The following ZNF519 variants were observed in gnomAD, a reference collection of about 807,000 sequenced individuals.
The protein encoded by ZNF519 is zinc finger protein 519.
ZNF519 carries 7 observed loss-of-function variants against 7.4 expected under a neutral mutation model. The observed-to-expected ratio is 0.94, with a 90% confidence interval of 0.54 to 1.77. The LOEUF is 1.77. Ranked by LOEUF, ZNF519 falls within the 40% of genes most tolerant of loss-of-function variation. The pLI, the probability that ZNF519 is intolerant of heterozygous loss-of-function variation, is 0.00. For missense variants in ZNF519, 586 were observed against 623.1 expected (o/e 0.94, Z 0.63); for synonymous variants, 179 against 203.3 (o/e 0.88, Z 1.02).
chr18:14,114,389 TAA>T (rs2143145707), intron 2 of ZNF519, among the ~76,000 whole-genome samples: 1 of 152,312 alleles, frequency 6.6e-6, no homozygotes, highest in South Asian at 2.1e-4. Context: ...ATTTAGACAA[TAA>T]ATTCCTTTCC....
In ZNF519 at chr18:14,119,261, C is replaced by A. The variant is rs73422341; in HGVS notation, c.130+5089G>T. Among the ~76,000 whole-genome samples the A allele has an allele frequency of 9.1e-3, 1,380 of 152,302 alleles. 28 individuals are homozygous for A. Among genetic ancestry groups the A allele is most frequent in the African/African-American group, 0.031 (1,299 of 41,550 alleles). On this transcript the variant is annotated intron_variant, in intron 2 of 2. Transcript: ENST00000590202. ...GCCTGGGAACCCAACAAAAGGAGAT[C>A]TTTACCTGCCAAAAACAGTTTACAG...
rs1206293059 is a variant in ZNF519, at chr18:14,100,776, A to G, written c.*4141T>C. ...TAATAAAATTGCACAGAACACACAC[A>G]CATAAGAAAAAATTAATCTGGTAAA... On this transcript the variant is annotated 3_prime_UTR_variant, in exon 3 of 3. Transcript: ENST00000590202. 6.6e-6 allele frequency: 1 copy of G among 152,202 alleles called. No individual in the cohort carries two copies. The highest frequency in any genetic ancestry group is 1.5e-5 in the Non-Finnish European group (1 of 68,034). 9.4% of individuals were successfully genotyped at this position (152,202 alleles called of 1,614,324 possible).
intron 2 of ZNF519, chr18:14,122,297 A>G (rs1247006692): frequency 6.6e-6 from 1 of 152,218 alleles, no homozygotes; most frequent in Non-Finnish European, 1.5e-5. Context: ...ATTGCTGAGT[A>G]AGGATTTTTG....
intron 2 of ZNF519, among the ~76,000 whole-genome samples, chr18:14,111,904 T>C (rs1176452643): frequency 1.3e-5 from 2 of 152,188 alleles, no homozygotes; most frequent in Non-Finnish European, 2.9e-5. Context: ...GAGGAAACAC[T>C]TCCAACCTTG....
downstream of ZNF519, among the ~76,000 whole-genome samples, chr18:14,095,888 G>A (rs1176107291): frequency 6.6e-6 from 1 of 152,246 alleles, no homozygotes; most frequent in African/African-American, 2.4e-5. Flanking sequence ...CAAATCCCAT[G>A]CTGCCAGGAC....
chr18:14,111,795 T>C (rs1451821571), intron 2 of ZNF519, among the ~76,000 whole-genome samples: 1 of 152,124 alleles, frequency 6.6e-6, no homozygotes, highest in South Asian at 2.1e-4. Flanking sequence ...AAAAACCTCC[T>C]ATGAGAGAAA....
downstream of ZNF519, chr18:14,074,272 A>G (rs1336426748): frequency 6.6e-6 from 1 of 152,226 alleles, no homozygotes; most frequent in African/African-American, 2.4e-5. Flanking sequence ...AGGAGCAGAC[A>G]GATCAAGAAA....
chr18:14,101,973 T>C lies in ZNF519; in HGVS notation c.*2944A>G. The C allele has an allele frequency of 2.6e-6, 1 of 378,112 alleles. No homozygotes were observed. Among genetic ancestry groups the C allele is most frequent in the Non-Finnish European group, 4.7e-6 (1 of 214,244 alleles). 23.4% of individuals were successfully genotyped at this position (378,112 alleles called of 1,614,324 possible). On this transcript the variant is annotated 3_prime_UTR_variant, in exon 3 of 3. Transcript: ENST00000590202. ...AATAATTTTAAGACATATAATATTC[T>C]CTAATATTCAGGAATAAAGAGGTTT...
intron 1 of ZNF519, among the ~76,000 whole-genome samples, chr18:14,125,350 T>A (rs1395180102): frequency 6.6e-6 from 1 of 152,242 alleles, no homozygotes; most frequent in African/African-American, 2.4e-5. Context: ...ATGTACTATG[T>A]GCCCAAGAGT....
rs911217597 is a variant in ZNF519, at chr18:14,100,695, G to A, written c.*4222C>T. ...TGGGTATGGTGGGGAGAAGGGAAGC[G>A]GATGTGGTTATAAGAGGAAAACGAG... On this transcript the variant is annotated 3_prime_UTR_variant, in exon 3 of 3. Transcript: ENST00000590202. 9 of 152,104 alleles carry A rather than the reference G, an allele frequency of 5.9e-5. No individual in the cohort carries two copies. The highest frequency in any genetic ancestry group is 1.2e-4 in the African/African-American group (5 of 41,410). 9.4% of individuals were successfully genotyped at this position (152,104 alleles called of 1,614,324 possible). A position where few individuals can be genotyped will look rare whatever the true frequency, so the allele number is the denominator to read the frequency against.
rs140045727 is a variant in ZNF519 at position 14,105,483 on chromosome 18, A to G, written c.1057T>C (p.Cys353Arg). 8 of 1,613,784 alleles carry G rather than the reference A, an allele frequency of 5.0e-6. No individual in the cohort carries two copies. The African/African-American group carries it at 6.7e-5, about 13-fold the overall frequency. ...GACCCCCTGTTAAAGGCTTTGCCAC[A>G]TTCTTCACATTTGAAAGCTCTCTCT... ...TGERAFKCEECGKAFNRGSYL... is the reference protein window; with the variant it reads ...TGERAFKCEERGKAFNRGSYL... The change falls in exon 3 of 3, where the codon TGT becomes CGT. Residue 353 changes from cysteine to arginine, a missense_variant. Cys to Arg is a radical substitution (Grantham distance 180). Transcript: ENST00000590202.
chr18:14,131,810 CCTTT>C (rs1399169427), intron 1 of ZNF519, among the ~76,000 whole-genome samples: 1 of 152,276 alleles, frequency 6.6e-6, no homozygotes, highest in Admixed American at 6.5e-5. Context: ...CTTATACAAG[CCTTT>C]CTTTCAAGAC....
At chr18:14,107,236 G>A (rs868442774) in intron 2 of ZNF519, among the ~76,000 whole-genome samples, 6 of 152,134 alleles carry the variant, frequency 3.9e-5, no homozygotes, top group Admixed American at 6.5e-5. Flanking sequence ...ACAGGACTTT[G>A]TCTTGCATTT....
At chr18:14,126,311 C>T (rs2046299279) in intron 1 of ZNF519, among the ~76,000 whole-genome samples, 1 of 152,182 alleles carries the variant, frequency 6.6e-6, no homozygotes, top group African/African-American at 2.4e-5. Flanking sequence ...TAGCCACTTC[C>T]CTATTTTGTA....
At chr18:14,118,472 T>A (rs748982692) in intron 2 of ZNF519, among the ~76,000 whole-genome samples, 1 of 152,208 alleles carries the variant, frequency 6.6e-6, no homozygotes, top group African/African-American at 2.4e-5. Flanking sequence ...TGACAGTATA[T>A]GATTCCACTT....
chr18:14,101,486 T>C lies in ZNF519; in HGVS notation c.*3431A>G, dbSNP rs1258780471. Reference sequence around the variant, plus strand: ...GAAAGCCGATTGTACACCTGAACAGTGCTGGGGTGAAATGGTGGGGCTGAA... The same window carrying C: ...GAAAGCCGATTGTACACCTGAACAGCGCTGGGGTGAAATGGTGGGGCTGAA... On this transcript the variant is annotated 3_prime_UTR_variant, in exon 3 of 3. Coordinates refer to ENST00000590202, the MANE Select transcript of ZNF519 (RefSeq NM_145287.4). The C allele has an allele frequency of 2.5e-6, 1 of 395,812 alleles. No individual in the cohort carries two copies. The highest frequency in any genetic ancestry group is 4.4e-6 in the Non-Finnish European group (1 of 224,926). The allele number at this position is 395,812 out of a possible 1,614,324, so 24.5% of individuals were successfully genotyped here.
Position 14,100,385 on chromosome 18 carries a change from T to C in ZNF519, c.*4532A>G, listed in dbSNP as rs1474877514. The C allele has an allele frequency of 6.6e-6, 1 of 152,184 alleles. No homozygotes were observed. Among genetic ancestry groups the C allele is most frequent in the Non-Finnish European group, 1.5e-5 (1 of 68,032 alleles). 9.4% of individuals were successfully genotyped at this position (152,184 alleles called of 1,614,324 possible). ...TACATGAATGTACATAGCACTTTTA[T>C]TCATAATAGCCACACACTGACTGAA... On this transcript the variant is annotated 3_prime_UTR_variant, in exon 3 of 3. Coordinates refer to ENST00000590202, the MANE Select transcript of ZNF519 (RefSeq NM_145287.4).
At chr18:14,095,579 T>C (rs571519431), downstream of ZNF519, among the ~76,000 whole-genome samples, 74 of 152,274 alleles carry the variant, frequency 4.9e-4, no homozygotes, top group African/African-American at 1.5e-3. Context: ...GCAGCAGTGA[T>C]ACAAATAAGG....
chr18:14,118,025 AGG>A (rs2046253465), intron 2 of ZNF519, among the ~76,000 whole-genome samples: 1 of 152,190 alleles, frequency 6.6e-6, no homozygotes, highest in Non-Finnish European at 1.5e-5. Flanking sequence ...TTCAATGAAT[AGG>A]TAATTTTTAA....
Sources: gnomAD v4.1 joint callset for allele counts (sites outside exome capture counted in the v4.1 genomes callset) on GRCh38, gnomAD v4.1.1 for gene constraint, MANE v1.5 for transcripts, NCBI Gene and HGNC (gene_info 2026-07-23, HGNC 2026-07-21) for gene names.